GRIK3: variants seen among roughly 807,000 people sequenced by gnomAD.
GRIK3 encodes glutamate receptor ionotropic, kainate 3.
GRIK3 carries 29 observed loss-of-function variants against 102.5 expected under a neutral mutation model. The ratio of observed to expected loss-of-function variants is 0.28; its 90% CI spans 0.21 to 0.39. The LOEUF is 0.39. Among genes scored for constraint, GRIK3 ranks in the 10% least tolerant of loss-of-function variants. The pLI is 1.00. For synonymous variants in GRIK3, 511 were observed against 504.9 expected (o/e 1.01, Z -0.16); for missense variants, 908 against 1,252.4 (o/e 0.73, Z 4.15).
chr1:36,878,355 T>C (rs1640931441), intron 3 of GRIK3, among the ~76,000 whole-genome samples: 1 of 152,252 alleles, frequency 6.6e-6, no homozygotes, highest in South Asian at 2.1e-4. Context: ...GGATCTTCTG[T>C]CGGGTGCTTT....
chr1:36,952,100 C>T (rs1322895425), intron 1 of GRIK3, among the ~76,000 whole-genome samples: 1 of 152,156 alleles, frequency 6.6e-6, no homozygotes, highest in Non-Finnish European at 1.5e-5. Context: ...CCCAAAGTGA[C>T]AGGGAGTGGG....
At chr1:36,957,391 G>GTGTGTCCCGTGAGCCATGTGCCTCA (rs1641924902) in intron 1 of GRIK3, among the ~76,000 whole-genome samples, 1 of 119,414 alleles carries the variant, frequency 8.4e-6, no homozygotes, top group Non-Finnish European at 1.8e-5. Flanking sequence ...TGTGTGCTCT[G>GTGTGTCCCGTGAGCCATGTGCCTCA]TGAATCTGTG....
chr1:36,826,139 G>T (rs576602625), intron 10 of GRIK3, among the ~76,000 whole-genome samples: 13 of 152,302 alleles, frequency 8.5e-5, no homozygotes, highest in African/African-American at 3.1e-4. Context: ...TCTCAAAATG[G>T]TGCTTTGTCA....
chr1:37,001,514 T>C (rs1163771782), intron 1 of GRIK3, among the ~76,000 whole-genome samples: 2 of 152,118 alleles, frequency 1.3e-5, no homozygotes, highest in African/African-American at 4.8e-5. Flanking sequence ...GGACCTGGAA[T>C]GTCTGGTAAG....
intron 1 of GRIK3, among the ~76,000 whole-genome samples, chr1:36,914,632 C>G (rs1193245958): frequency 6.6e-6 from 1 of 152,196 alleles, no homozygotes; most frequent in African/African-American, 2.4e-5. Flanking sequence ...CTCAGTCAGC[C>G]CCACACACTG....
intron 1 of GRIK3, among the ~76,000 whole-genome samples, chr1:36,891,541 A>G (rs535132172): frequency 8.4e-4 from 128 of 152,362 alleles, no homozygotes; most frequent in African/African-American, 3.0e-3. Context: ...GCAAGATGGC[A>G]TTTAATAAAA....
chr1:36,950,645 A>G (rs1641834373), intron 1 of GRIK3, among the ~76,000 whole-genome samples: 1 of 152,236 alleles, frequency 6.6e-6, no homozygotes, highest in African/African-American at 2.4e-5. Context: ...ACTGTGGCCC[A>G]ATTGGTACCC....
chr1:36,975,530 G>A (rs553117249), intron 1 of GRIK3, among the ~76,000 whole-genome samples: 1 of 152,260 alleles, frequency 6.6e-6, no homozygotes, highest in Admixed American at 6.5e-5. Flanking sequence ...TCCGGACCTC[G>A]TGATCTCCCG....
At chr1:37,012,844 G>C (rs1310958684) in intron 1 of GRIK3, among the ~76,000 whole-genome samples, 1 of 152,180 alleles carries the variant, frequency 6.6e-6, no homozygotes, top group East Asian at 1.9e-4. Context: ...TGCCTACCCT[G>C]CTCACTGTTG....
chr1:36,985,154 G>T (rs766733177), intron 1 of GRIK3, among the ~76,000 whole-genome samples: 1 of 152,196 alleles, frequency 6.6e-6, no homozygotes, highest in Non-Finnish European at 1.5e-5. Flanking sequence ...AAAGAAGAGG[G>T]GGTGGGAGAG....
At chr1:36,935,669 A>C (rs542197614) in intron 1 of GRIK3, among the ~76,000 whole-genome samples, 1 of 152,318 alleles carries the variant, frequency 6.6e-6, no homozygotes, top group East Asian at 1.9e-4. Flanking sequence ...GATTGAATAC[A>C]TTCAAGTCGG....
intron 1 of GRIK3, among the ~76,000 whole-genome samples, chr1:36,974,971 A>G (rs1161643710): frequency 6.6e-6 from 1 of 152,160 alleles, no homozygotes; most frequent in Non-Finnish European, 1.5e-5. Context: ...AGCAAGTAGG[A>G]CAGAAGTTAC....
intron 1 of GRIK3, among the ~76,000 whole-genome samples, chr1:36,943,250 C>T (rs1641747143): frequency 6.6e-6 from 1 of 152,090 alleles, no homozygotes; most frequent in African/African-American, 2.4e-5. Context: ...TGGGGCAGCA[C>T]ATAAAACATG....
intron 1 of GRIK3, among the ~76,000 whole-genome samples, chr1:36,914,484 G>A (rs1050047146): frequency 6.6e-6 from 1 of 152,122 alleles, no homozygotes; most frequent in African/African-American, 2.4e-5. Flanking sequence ...CTTGACAACC[G>A]GGGAAACCTT....
In GRIK3 at chr1:36,810,844, G is replaced by A. The variant is rs1039175602; in HGVS notation, c.2092-4518C>T. Among the ~76,000 whole-genome samples the A allele has an allele frequency of 3.3e-5, 5 of 152,358 alleles. No homozygotes were observed. In the South Asian group the frequency reaches 1.0e-3, roughly 32 times the overall value. ...TCCATGGCCTCTGCCCACTGCTACAGGCTCCCTGGTAAGGACAGTCTAGCT... is the reference window on the plus strand; with the variant it reads ...TCCATGGCCTCTGCCCACTGCTACAAGCTCCCTGGTAAGGACAGTCTAGCT... On this transcript the variant is annotated intron_variant, in intron 13 of 15. Transcript: ENST00000373091.
At chr1:37,017,311 A>T (rs534906602) in intron 1 of GRIK3, among the ~76,000 whole-genome samples, 145 of 145,474 alleles carry the variant, frequency 1.0e-3, no homozygotes, top group African/African-American at 3.5e-3. Context: ...AGGCAGGAGG[A>T]TAACTTGAGC....
chr1:36,971,974 C>T (rs957975220), intron 1 of GRIK3, among the ~76,000 whole-genome samples: 1 of 152,188 alleles, frequency 6.6e-6, no homozygotes. Flanking sequence ...CTCCCCAGGG[C>T]CTGGCACCAT....
chr1:36,978,094 G>A (rs560686547), intron 1 of GRIK3, among the ~76,000 whole-genome samples: 1 of 152,368 alleles, frequency 6.6e-6, no homozygotes, highest in East Asian at 1.9e-4. Context: ...AGCACTTCCA[G>A]AAAAATTAAG....
chr1:36,952,848 G>A (rs1384942497), intron 1 of GRIK3, among the ~76,000 whole-genome samples: 1 of 152,210 alleles, frequency 6.6e-6, no homozygotes, highest in Non-Finnish European at 1.5e-5. Context: ...TCTTCAAGGT[G>A]AGAACACTTG....
Sources: allele counts gnomAD v4.1 joint callset (sites outside exome capture counted in the v4.1 genomes callset), GRCh38; gene constraint gnomAD v4.1.1; transcripts MANE v1.5; gene names NCBI Gene and HGNC (gene_info 2026-07-23, HGNC 2026-07-21).